The following HFM1 variants were observed in gnomAD, a reference collection of about 807,000 sequenced individuals.
HFM1 encodes the protein probable ATP-dependent DNA helicase HFM1.
In HFM1, 169 loss-of-function variants were observed where a neutral mutation model predicts 192.1. The ratio of observed to expected loss-of-function variants is 0.88; its 90% CI spans 0.78 to 1.00. The LOEUF (loss-of-function observed/expected upper bound fraction) is 1.00, where lower values mean the gene tolerates loss of function less well. Among genes scored for constraint, HFM1 ranks in the 50% least tolerant of loss-of-function variants. The pLI is 0.00. For missense variants in HFM1, 1,661 were observed against 1,668.0 expected, an observed-to-expected ratio of 1.00 and a Z score of 0.07; for synonymous variants, 525 against 537.8, an observed-to-expected ratio of 0.98 and a Z score of 0.33.
At chr1:91,406,618 T>C (rs1041723551), upstream of HFM1, among the ~76,000 whole-genome samples, 2 of 152,236 alleles carry the variant, frequency 1.3e-5, no homozygotes, top group African/African-American at 4.8e-5. Context: ...AGAAAACATT[T>C]TAATCCTAAA....
At chr1:91,279,673 T>C (rs1667285271) in intron 30 of HFM1, among the ~76,000 whole-genome samples, 1 of 152,176 alleles carries the variant, frequency 6.6e-6, no homozygotes, top group Non-Finnish European at 1.5e-5. Flanking sequence ...AACTGTAGCT[T>C]TGATACTATC....
Position 91,313,364 on chromosome 1 carries a change from C to T in HFM1, c.3376G>A (p.Ala1126Thr), listed in dbSNP as rs147501546. The change falls in exon 30 of 39, where the codon GCA (alanine) becomes ACA (threonine). Residue 1126 changes from alanine (A) to threonine (T), a missense_variant. By Grantham distance (58) the Ala-to-Thr change is moderately conservative. Coordinates refer to ENST00000370425, the MANE Select transcript of HFM1 (RefSeq NM_001017975.6). ...AGCTATTTACCTTTATTAGGTCCTG[C>T]TATTGTAGATATGTCTGAATGTTTA... The part of the protein sequence containing the change: ...HSKHSDISTI[A>T]GPNKGTTASK... 3 of 1,571,894 alleles carry T rather than the reference C, an allele frequency of 1.9e-6. No individual in the cohort carries two copies. Among genetic ancestry groups the T allele is most frequent in the South Asian group, 1.2e-5 (1 of 85,158 alleles).
At chr1:91,380,483 ATGGC>A (rs1262040008) in intron 7 of HFM1, among the ~76,000 whole-genome samples, 1 of 152,104 alleles carries the variant, frequency 6.6e-6, no homozygotes, top group Non-Finnish European at 1.5e-5. Context: ...GCTGAGTGCG[ATGGC>A]TTACACCTGT....
At chr1:91,297,363 G>A (rs1004339892) in intron 30 of HFM1, among the ~76,000 whole-genome samples, 18 of 152,212 alleles carry the variant, frequency 1.2e-4, no homozygotes, top group African/African-American at 2.4e-4. Context: ...CCACCTCTAC[G>A]GGCAGGGCAT....
In HFM1 at chr1:91,322,968, C is replaced by T. The variant is rs202028945; in HGVS notation, c.2564G>A (p.Arg855Lys). ...TCTTTACCAATTTACTTTCATTTCT[C>T]TTGTTTTAATTCTTCCTTCCATTGG... Reference protein sequence around the residue: ...RFPMEGRIKTREMKVNCLIQA... With the variant: ...RFPMEGRIKTKEMKVNCLIQA... The change falls in exon 23 of 39, where the codon AGA becomes AAA. Residue 855 changes from arginine (R) to lysine (K), a missense_variant. Arg to Lys is a conservative substitution (Grantham distance 26). Transcript: ENST00000370425. The T allele has an allele frequency of 1.2e-4, 169 of 1,371,614 alleles. No homozygotes were observed. The highest frequency in any genetic ancestry group is 7.9e-4 in the Middle Eastern group (3 of 3,796). 85.0% of individuals were successfully genotyped at this position (1,371,614 alleles called of 1,614,324 possible). A position where few individuals can be genotyped will look rare whatever the true frequency, so the allele number is the denominator to read the frequency against.
intron 20 of HFM1, chr1:91,338,924 C>T (rs1260105516): frequency 4.4e-6 from 2 of 455,722 alleles, no homozygotes; most frequent in African/African-American, 4.0e-5. Context: ...CCAGGAACAC[C>T]TCTAACCCTC....
At chr1:91,328,520 G>A (rs774621136) in intron 20 of HFM1, 133 of 1,613,048 alleles carry the variant, frequency 8.2e-5, no homozygotes, top group East Asian at 3.8e-4. Flanking sequence ...ATTGCTGTTC[G>A]CCAGGGTGGG....
At chr1:91,300,750 A>G (rs1023802459) in intron 30 of HFM1, among the ~76,000 whole-genome samples, 3 of 152,080 alleles carry the variant, frequency 2.0e-5, no homozygotes, top group African/African-American at 7.2e-5. Flanking sequence ...CATGCTAAAA[A>G]CTCTCAATAA....
chr1:91,379,456 T>C (rs894253367), intron 8 of HFM1, among the ~76,000 whole-genome samples: 9 of 152,042 alleles, frequency 5.9e-5, no homozygotes, highest in African/African-American at 2.2e-4. Context: ...ACACTGACGA[T>C]GACTGATAAG....
chr1:91,315,735 G>T, intron 28 of HFM1, 80 bp downstream of exon 28: 1 of 1,003,878 alleles, frequency 1.0e-6, no homozygotes, highest in Non-Finnish European at 1.4e-6. Flanking sequence ...CAATGATCTT[G>T]TTATTTTTTT....
chr1:91,394,379 A>G lies in HFM1; in HGVS notation c.208T>C (p.Leu70=), dbSNP rs1055545207. 15 of 1,543,206 alleles carry G rather than the reference A, an allele frequency of 9.7e-6. No homozygotes were observed. The Middle Eastern group carries it at 8.9e-4, about 92-fold the overall frequency. Residue 70 remains leucine (L), a synonymous_variant, in exon 4 of 39, where the codon TTA becomes CTA. Coordinates refer to ENST00000370425, the MANE Select transcript of HFM1 (RefSeq NM_001017975.6). The part of the protein sequence containing the change: ...LLGQEKRPKM[L]TSNLKITNED... ...TTAGTTATCTTTAAATTTGATGTTA[A>G]CATTTTTGGCCTCTTTTCCTGACCT...
At chr1:91,372,240 AT>A (rs575565325) in intron 13 of HFM1, among the ~76,000 whole-genome samples, 123 of 152,344 alleles carry the variant, frequency 8.1e-4, no homozygotes, top group African/African-American at 2.9e-3. Context: ...ATTACTGGGT[AT>A]ATACCCAAAG....
intron 30 of HFM1, among the ~76,000 whole-genome samples, chr1:91,291,507 AG>A (rs1206390192): frequency 1.3e-5 from 2 of 152,212 alleles, no homozygotes; most frequent in African/African-American, 2.4e-5. Context: ...ACCAGGAAGA[AG>A]TTGAATCTCT....
At chr1:91,286,342 G>T (rs1313258293) in intron 30 of HFM1, among the ~76,000 whole-genome samples, 2 of 152,142 alleles carry the variant, frequency 1.3e-5, no homozygotes, top group Non-Finnish European at 2.9e-5. Context: ...GAAATAAGTT[G>T]CTGGCAGAGC....
At chr1:91,268,825 C>T (rs1666008297) in intron 34 of HFM1, among the ~76,000 whole-genome samples, 2 of 151,992 alleles carry the variant, frequency 1.3e-5, no homozygotes, top group Non-Finnish European at 2.9e-5. Context: ...GAATGTAGCT[C>T]TCATGTGAAT....
intron 30 of HFM1, among the ~76,000 whole-genome samples, chr1:91,299,568 A>C (rs1648322553): frequency 6.6e-6 from 1 of 152,198 alleles, no homozygotes; most frequent in African/African-American, 2.4e-5. Context: ...AAAGAACAGA[A>C]ATTATAACAA....
chr1:91,331,486 A>G (rs1433877228), intron 20 of HFM1, among the ~76,000 whole-genome samples: 1 of 152,202 alleles, frequency 6.6e-6, no homozygotes, highest in African/African-American at 2.4e-5. Context: ...AAATGAAAAA[A>G]TATTCCATGA....
intron 20 of HFM1, chr1:91,328,604 T>C: frequency 1.2e-6 from 2 of 1,604,058 alleles, no homozygotes; most frequent in Non-Finnish European, 1.7e-6. Context: ...ATTCGCGTGA[T>C]GGAGAACGGC....
chr1:91,351,205 A>T (rs1172037958), intron 17 of HFM1, among the ~76,000 whole-genome samples: 2 of 151,918 alleles, frequency 1.3e-5, no homozygotes, highest in Non-Finnish European at 2.9e-5. Context: ...ATAAGAAGTG[A>T]AAATGATATT....
Sources: gnomAD v4.1 joint callset for allele counts (sites outside exome capture counted in the v4.1 genomes callset) on GRCh38, gnomAD v4.1.1 for gene constraint, MANE v1.5 for transcripts, NCBI Gene and HGNC (gene_info 2026-07-23, HGNC 2026-07-21) for gene names.